BRWD3: variants seen among roughly 807,000 people sequenced by gnomAD.
The protein encoded by BRWD3 is bromodomain and WD repeat domain containing 3.
Under a neutral mutation model 149.7 loss-of-function variants are expected in BRWD3, and 10 were observed. The ratio of observed to expected loss-of-function variants is 0.07; its 90% CI spans 0.04 to 0.11. The LOEUF (loss-of-function observed/expected upper bound fraction) is 0.11, where lower values mean the gene tolerates loss of function less well. BRWD3 is among the 10% of genes least tolerant of loss of function. The pLI, the probability that BRWD3 is intolerant of heterozygous loss-of-function variation, is 1.00. For missense variants in BRWD3, 940 were observed against 1,373.2 expected (o/e 0.68, Z 4.99); for synonymous variants, 504 against 456.7 (o/e 1.10, Z -1.32).
chrX:80,705,842 G>T (rs2072856389), intron 22 of BRWD3, among the ~76,000 whole-genome samples: 1 of 111,930 alleles, frequency 8.9e-6, no homozygotes, highest in Non-Finnish European at 1.9e-5. Context: ...AACATGAATG[G>T]AGTTTATAGA....
chrX:80,726,560 T>G (rs2073251832), intron 14 of BRWD3, among the ~76,000 whole-genome samples: 1 of 110,511 alleles, frequency 9.0e-6, no homozygotes, highest in South Asian at 3.8e-4. Flanking sequence ...GAAGCTGCAC[T>G]TATCTTAGGA....
chrX:80,682,730 A>ATTTTG, intron 37 of BRWD3, 102 bp from the exon 38 acceptor site: 1 of 796,915 alleles, frequency 1.3e-6, no homozygotes, highest in Non-Finnish European at 1.8e-6. Context: ...CAGACAAAAT[A>ATTTTG]TCTGTTCACT....
intron 10 of BRWD3, 74 bp from the exon 11 acceptor site, chrX:80,734,292 T>C (rs1033088472): frequency 1.1e-5 from 7 of 662,120 alleles, no homozygotes; most frequent in African/African-American, 8.7e-5. Flanking sequence ...TCCTTAGTTG[T>C]ATGCTACCTT....
Position 80,809,516 on chromosome X carries a change from CGGGGGCGGGT to C in BRWD3, c.-55_-46del, listed in dbSNP as rs755659760. ...GGGGGCTTCGCTCCGGAGGGGCTGG[CGGGGGCGGGT>C]GGGGGCGCTGCCTCTATTGTGGTGA... On this transcript the variant is annotated 5_prime_UTR_variant, in exon 1 of 41. Transcript: ENST00000373275. 3 of 277,705 alleles carry C rather than the reference CGGGGGCGGGT, an allele frequency of 1.1e-5. No homozygotes were observed. Among genetic ancestry groups the C allele is most frequent in the African/African-American group, 6.1e-5 (2 of 32,739 alleles). The allele number at this position is 277,705 out of a possible 1,213,427, so 22.9% of individuals were successfully genotyped here. A position where few individuals can be genotyped will look rare whatever the true frequency, so the allele number is the denominator to read the frequency against.
chrX:80,787,151 T>G (rs1461357174), intron 6 of BRWD3, among the ~76,000 whole-genome samples: 1 of 111,792 alleles, frequency 8.9e-6, no homozygotes. Context: ...TAGGGAAAAT[T>G]TCCACAATAG....
Position 80,690,084 on chromosome X carries a change from G to A in BRWD3, c.3611C>T (p.Ser1204Leu). The A allele has an allele frequency of 1.7e-6, 2 of 1,207,148 alleles. No homozygotes were observed. Among genetic ancestry groups the A allele is most frequent in the Non-Finnish European group, 2.2e-6 (2 of 892,336 alleles). The stretch of plus-strand genomic sequence containing the variant: ...ATAGCGTACCTCCCACATTAATGCT[G>A]ATATTCTCCTGTGAAAGAAAAAATA... ...RLENRFYRRI[S>L]ALMWEVRYIE... The change falls in exon 32 of 41, where the codon TCA (serine) becomes TTA (leucine). Residue 1204 changes from serine (S) to leucine (L), a missense_variant. Physicochemically the swap from Ser to Leu is moderately radical, Grantham distance 145. Around this residue, in one of 6 missense-constraint regions of BRWD3, gnomAD observed 349 missense variants for 419.6 expected, o/e 0.83. Coordinates refer to ENST00000373275, the MANE Select transcript of BRWD3 (RefSeq NM_153252.5).
Position 80,675,203 on chromosome X carries a change from G to A in BRWD3, c.*1406C>T, listed in dbSNP as rs2072352594. On this transcript the variant is annotated 3_prime_UTR_variant, in exon 41 of 41. Coordinates refer to ENST00000373275, the MANE Select transcript of BRWD3 (RefSeq NM_153252.5). The stretch of plus-strand genomic sequence containing the variant: ...AAACAAGACAATAAGGGTTTTTAAA[G>A]ATGTTTTTTATCTATAAAATAATGA... 8.9e-6 allele frequency: 1 copy of A among 111,852 alleles called. No homozygotes were observed. Among genetic ancestry groups the A allele is most frequent in the African/African-American group, 3.2e-5 (1 of 30,844 alleles). 9.2% of individuals were successfully genotyped at this position (111,852 alleles called of 1,213,427 possible).
At chrX:80,685,343 G>C (rs1165018713) in intron 36 of BRWD3, 119 bp downstream of exon 36, 3 of 616,281 alleles carry the variant, frequency 4.9e-6, no homozygotes, top group Non-Finnish European at 7.7e-6. Context: ...ATCAAACAAA[G>C]GTAAAAAGGG....
chrX:80,731,632 C>T (rs958393722), intron 12 of BRWD3, among the ~76,000 whole-genome samples: 2 of 110,670 alleles, frequency 1.8e-5, no homozygotes, highest in African/African-American at 6.6e-5. Flanking sequence ...CAGTGGCTCA[C>T]GCCTGTAATC....
intron 4 of BRWD3, among the ~76,000 whole-genome samples, chrX:80,795,756 G>GA (rs990104487): frequency 1.4e-4 from 15 of 106,532 alleles, no homozygotes; most frequent in South Asian, 4.1e-4. Flanking sequence ...GAAAATAAGT[G>GA]AAAAAAAAAG....
intron 8 of BRWD3, 118 bp downstream of exon 8, chrX:80,743,914 G>A (rs971529119): frequency 3.0e-5 from 18 of 596,368 alleles, no homozygotes; most frequent in South Asian, 1.3e-4. Flanking sequence ...GCAAAGTCCA[G>A]AAGAGAGCAT....
intron 6 of BRWD3, among the ~76,000 whole-genome samples, chrX:80,778,835 C>A (rs1403295068): frequency 9.0e-6 from 1 of 111,203 alleles, no homozygotes; most frequent in African/African-American, 3.3e-5. Flanking sequence ...CCTGTCTCTA[C>A]TAAAAACACA....
chrX:80,710,588 T>C, intron 20 of BRWD3: 1 of 460,223 alleles, frequency 2.2e-6, no homozygotes, highest in Non-Finnish European at 4.1e-6. Flanking sequence ...CAATCTATCA[T>C]GATGATGATG....
rs142555243 is a variant in BRWD3, at chrX:80,670,452, G to A, written c.*6157C>T. On this transcript the variant is annotated 3_prime_UTR_variant, in exon 41 of 41. Transcript: ENST00000373275. ...ACCTTCTCAACTTGGAAAAAAAATG[G>A]ATCCCCAGGCTGGAGTGCAGTGGCA... Among the ~76,000 whole-genome samples the A allele has an allele frequency of 0.022, 2,389 of 110,265 alleles. 116 individuals carry two copies. Among genetic ancestry groups the A allele is most frequent in the Admixed American group, 0.14 (1,468 of 10,265 alleles).
intron 4 of BRWD3, among the ~76,000 whole-genome samples, chrX:80,805,473 CT>C (rs1277429919): frequency 9.0e-6 from 1 of 111,133 alleles, no homozygotes; most frequent in Non-Finnish European, 1.9e-5. Flanking sequence ...GTACTCTTTC[CT>C]TTTCATACCC....
intron 6 of BRWD3, among the ~76,000 whole-genome samples, chrX:80,758,768 T>C (rs1489303463): frequency 9.0e-6 from 1 of 111,296 alleles, no homozygotes. Context: ...CTGGGCAATA[T>C]AGCGAGATCC....
intron 20 of BRWD3, among the ~76,000 whole-genome samples, chrX:80,712,793 C>T (rs1266958650): frequency 7.4e-5 from 8 of 108,398 alleles, no homozygotes; most frequent in Non-Finnish European, 3.9e-5. Flanking sequence ...CATCTCTGCC[C>T]GGCCGCGACC....
chrX:80,807,920 G>A (rs1432463892), intron 4 of BRWD3, among the ~76,000 whole-genome samples: 1 of 111,204 alleles, frequency 9.0e-6, no homozygotes, highest in Non-Finnish European at 1.9e-5. Flanking sequence ...TAACGATTAT[G>A]CTTTTACTCA....
At chrX:80,805,394 G>A (rs925545737) in intron 4 of BRWD3, among the ~76,000 whole-genome samples, 1 of 111,383 alleles carries the variant, frequency 9.0e-6, no homozygotes, top group African/African-American at 3.3e-5. Context: ...TCTCATATAT[G>A]CAGTATACGT....
Sources: allele counts gnomAD v4.1 joint callset (sites outside exome capture counted in the v4.1 genomes callset), GRCh38; gene constraint gnomAD v4.1.1; regional missense constraint gnomAD v4.1.1; transcripts MANE v1.5; gene names NCBI Gene and HGNC (gene_info 2026-07-23, HGNC 2026-07-21).